PNMA8A: variants seen among roughly 807,000 people sequenced by gnomAD.
PNMA8A encodes PNMA family member 8A.
In PNMA8A, 17 loss-of-function variants were observed where a neutral mutation model predicts 26.6. The observed-to-expected ratio is 0.64, with a 90% confidence interval of 0.44 to 0.96. The LOEUF (loss-of-function observed/expected upper bound fraction) is 0.96, where lower values mean the gene tolerates loss of function less well. Among genes scored for constraint, PNMA8A ranks in the 40% least tolerant of loss-of-function variants. The probability of loss-of-function intolerance (pLI) is 0.00; values close to 1 mark genes in which losing one functional copy is unlikely to be tolerated. For missense variants in PNMA8A, 532 were observed against 488.4 expected, an observed-to-expected ratio of 1.09 and a Z score of -0.84; for synonymous variants, 224 against 182.0, an observed-to-expected ratio of 1.23 and a Z score of -1.86.
In PNMA8A at chr19:46,470,219, C is replaced by T. The variant is rs1406090396; in HGVS notation, c.817G>A (p.Asp273Asn). The T allele has an allele frequency of 1.2e-6, 2 of 1,614,180 alleles. No homozygotes were observed. The highest frequency in any genetic ancestry group is 3.3e-5 in the Admixed American group (2 of 60,032). Reference sequence around the variant, plus strand: ...CTTTCAGCATCACCCACCTCAGGATCCTCCAAGTTAGCTGTGCTGTTGGAA... The same window carrying T: ...CTTTCAGCATCACCCACCTCAGGATTCTCCAAGTTAGCTGTGCTGTTGGAA... ...INSNSTANLE[D>N]PEVGDAESMA... The change falls in exon 2 of 3, where the codon GAT becomes AAT. Residue 273 changes from aspartate to asparagine, a missense_variant. Coordinates refer to ENST00000313683, the MANE Select transcript of PNMA8A (RefSeq NM_018215.4).
chr19:46,469,781 T>C lies in PNMA8A; in HGVS notation c.1255A>G (p.Arg419Gly), dbSNP rs1969756750. 2.5e-6 allele frequency: 4 copies of C among 1,614,022 alleles called. No homozygotes were observed. The highest frequency in any genetic ancestry group is 2.2e-5 in the South Asian group (2 of 91,070). Residue 419 changes from arginine to glycine, a missense_variant, in exon 2 of 3, where the codon AGG becomes GGG. Arg to Gly is a moderately radical substitution (Grantham distance 125, BLOSUM62 -2). Coordinates refer to ENST00000313683, the MANE Select transcript of PNMA8A (RefSeq NM_018215.4). ...CCTTCTGGCTTGGCCTTCGGACCCC[T>C]AGAGGTTGAGGCTGTTGCCTCGGCA... ...QPAEATASTS[R>G]GPKAKPEGSP...
Position 46,470,156 on chromosome 19 carries a change from G to A in PNMA8A, c.880C>T (p.Pro294Ser), listed in dbSNP as rs1276811386. 6.2e-7 allele frequency: 1 copy of A among 1,613,924 alleles called. No individual in the cohort carries two copies. The change falls in exon 2 of 3, where the codon CCC becomes TCC. Residue 294 changes from proline (P) to serine (S), a missense_variant. Physicochemically the swap from Pro to Ser is moderately conservative, Grantham distance 74. Coordinates refer to ENST00000313683, the MANE Select transcript of PNMA8A (RefSeq NM_018215.4). ...GCCAACTCCTCCTTATTCACACAGG[G>A]CTTTCTGCTGCCCTTGATCGGCTCT... ...ISEPIKGSRK[P>S]CVNKEELALK...
At position 46,467,698 on chromosome 19, in the gene PNMA8A, C is replaced by G. The variant is rs540150587; in HGVS notation, c.*863G>C. On this transcript the variant is annotated 3_prime_UTR_variant, in exon 3 of 3. Coordinates refer to ENST00000313683, the MANE Select transcript of PNMA8A (RefSeq NM_018215.4). ...GATTACAGGCGTGAGCCACCGTGCC[C>G]GGCCAACAGCCAAGTTTTAAAAGAT... 6.6e-6 allele frequency: 1 copy of G among 152,292 alleles called. No homozygotes were observed. The highest frequency in any genetic ancestry group is 2.4e-5 in the African/African-American group (1 of 41,438). 9.4% of individuals were successfully genotyped at this position (152,292 alleles called of 1,614,324 possible).
chr19:46,470,484 C>G lies in PNMA8A; in HGVS notation c.552G>C (p.Glu184Asp), dbSNP rs776730889. The G allele has an allele frequency of 2.5e-6, 4 of 1,613,978 alleles. No individual in the cohort carries two copies. Among genetic ancestry groups the G allele is most frequent in the South Asian group, 2.2e-5 (2 of 91,086 alleles). ...ARAQEAAEFE[E>D]MAAWALAAGR... ...CTGCTGCTAAAGCCCAGGCTGCCAT[C>G]TCCTCGAATTCAGCGGCCTCCTGGG... Residue 184 changes from glutamate to aspartate, a missense_variant, in exon 2 of 3, where the codon GAG (glutamate) becomes GAC (aspartate). By Grantham distance (45) the Glu-to-Asp change is conservative. Coordinates refer to ENST00000313683, the MANE Select transcript of PNMA8A (RefSeq NM_018215.4).
In PNMA8A at chr19:46,470,553, G is replaced by A. The variant is rs762145086; in HGVS notation, c.483C>T (p.Ile161=). 2 of 1,614,064 alleles carry A rather than the reference G, an allele frequency of 1.2e-6. No individual in the cohort carries two copies. Among genetic ancestry groups the A allele is most frequent in the Admixed American group, 1.7e-5 (1 of 60,030 alleles). The change falls in exon 2 of 3, where the codon ATC becomes ATT. Residue 161 remains isoleucine, a synonymous_variant. Transcript: ENST00000313683. The part of the protein sequence containing the change: ...GVLLGAVVQI[I]FCMDAEIRSR... The stretch of plus-strand genomic sequence containing the variant: ...TGCGGATCTCGGCATCCATGCAGAA[G>A]ATGATCTGCACCACTGCTCCCAGAA...
At position 46,467,995 on chromosome 19, in the gene PNMA8A, C is replaced by T. The variant is rs1311115475; in HGVS notation, c.*566G>A. ...AGACATTCTTTTTCCCTAAAACTAA[C>T]TCTTGGGACCTCCTGGCTAGATAAC... On this transcript the variant is annotated 3_prime_UTR_variant, in exon 3 of 3. Coordinates refer to ENST00000313683, the MANE Select transcript of PNMA8A (RefSeq NM_018215.4). 1 of 151,888 alleles carries T rather than the reference C, an allele frequency of 6.6e-6. No individual in the cohort carries two copies. The highest frequency in any genetic ancestry group is 1.5e-5 in the Non-Finnish European group (1 of 68,038). 9.4% of individuals were successfully genotyped at this position (151,888 alleles called of 1,614,324 possible).
At chr19:46,469,048 C>T (rs1451225699) in intron 2 of PNMA8A, among the ~76,000 whole-genome samples, 1 of 151,682 alleles carries the variant, frequency 6.6e-6, no homozygotes, top group Non-Finnish European at 1.5e-5. Context: ...GTTGGCCAGG[C>T]TGGTCTCGAA....
rs997791184 is a variant in PNMA8A at position 46,467,631 on chromosome 19, C to T, written c.*930G>A. ...TGTTGGTCAAGCTGGTCTTAAACGC[C>T]TGACCTCGTGATCGACCTGCCTCAG... On this transcript the variant is annotated 3_prime_UTR_variant, in exon 3 of 3. Coordinates refer to ENST00000313683, the MANE Select transcript of PNMA8A (RefSeq NM_018215.4). 1 of 152,178 alleles carries T rather than the reference C, an allele frequency of 6.6e-6. No individual in the cohort carries two copies. The highest frequency in any genetic ancestry group is 1.5e-5 in the Non-Finnish European group (1 of 68,064). 9.4% of individuals were successfully genotyped at this position (152,178 alleles called of 1,614,324 possible). A position where few individuals can be genotyped will look rare whatever the true frequency, so the allele number is the denominator to read the frequency against.
rs751132436 is a variant in PNMA8A at position 46,469,822 on chromosome 19, G to A, written c.1214C>T (p.Pro405Leu). ...SRREASDQKA[P>L]RGQQPAEATA... is the part of the protein sequence containing the mutation. ...TGCCTCGGCAGGCTGCTGGCCCCGA[G>A]GGGCCTTCTGATCTGATGCCTCCCT... is the stretch of plus-strand genomic sequence containing the variant. The change falls in exon 2 of 3, where the codon CCT becomes CTT. Residue 405 changes from proline to leucine, a missense_variant. Pro to Leu is a moderately conservative substitution (Grantham distance 98, BLOSUM62 -3). Transcript: ENST00000313683. 1 of 1,614,230 alleles carries A rather than the reference G, an allele frequency of 6.2e-7. No individual in the cohort carries two copies.
chr19:46,470,603 T>C lies in PNMA8A; in HGVS notation c.433A>G (p.Asn145Asp), dbSNP rs1379335008. Residue 145 changes from asparagine to aspartate, a missense_variant, in exon 2 of 3, where the codon AAC becomes GAC. Coordinates refer to ENST00000313683, the MANE Select transcript of PNMA8A (RefSeq NM_018215.4). Reference sequence around the variant, plus strand: ...AGCACCCCCAGAGCTTCTGCCCAGTTCTCTGGGGGCTGATGCTGGTTCTGG... The same window carrying C: ...AGCACCCCCAGAGCTTCTGCCCAGTCCTCTGGGGGCTGATGCTGGTTCTGG... ...LSQNQHQPPE[N>D]WAEALGVLLG... The C allele has an allele frequency of 6.2e-7, 1 of 1,613,034 alleles. No individual in the cohort carries two copies. The highest frequency in any genetic ancestry group is 1.7e-5 in the Admixed American group (1 of 60,024).
Position 46,469,923 on chromosome 19 carries a change from A to C in PNMA8A, c.1113T>G (p.Pro371=). 1 of 1,614,180 alleles carries C rather than the reference A, an allele frequency of 6.2e-7. No homozygotes were observed. Among genetic ancestry groups the C allele is most frequent in the East Asian group, 2.2e-5 (1 of 44,886 alleles). ...MRKKKKVSLG[P]VSYVLVDSED... ...CTGAGTCAACCAAGACGTAGGAGAC[A>C]GGGCCCAAGCTCACCTTCTTCTTCT... The change falls in exon 2 of 3, where the codon CCT becomes CCG. Residue 371 remains proline (P), a synonymous_variant. Transcript: ENST00000313683.
chr19:46,469,994 T>C lies in PNMA8A; in HGVS notation c.1042A>G (p.Lys348Glu). The C allele has an allele frequency of 6.2e-7, 1 of 1,606,254 alleles. No homozygotes were observed. The highest frequency in any genetic ancestry group is 8.5e-7 in the Non-Finnish European group (1 of 1,177,070). The change falls in exon 2 of 3, where the codon AAG becomes GAG. Residue 348 changes from lysine (K) to glutamate (E), a missense_variant. Physicochemically the swap from Lys to Glu is moderately conservative, Grantham distance 56 (BLOSUM62 1). Coordinates refer to ENST00000313683, the MANE Select transcript of PNMA8A (RefSeq NM_018215.4). ...DGGHESPPKK[K>E]AVAWVSAKNP... ...TTGGCAGACACCCAGGCCACGGCCTTCTTCTTTGGTGGGCTTTCATGGCCA... is the reference window on the plus strand; with the variant it reads ...TTGGCAGACACCCAGGCCACGGCCTCCTTCTTTGGTGGGCTTTCATGGCCA...
Position 46,470,350 on chromosome 19 carries a change from T to A in PNMA8A, c.686A>T (p.Lys229Ile). 1 of 1,614,066 alleles carries A rather than the reference T, an allele frequency of 6.2e-7. No homozygotes were observed. The highest frequency in any genetic ancestry group is 8.5e-7 in the Non-Finnish European group (1 of 1,180,046). ...NATEDQHEPT[K>I]PLVRRAGAKS... ...AGCTCCAGCCCTGCGAACCAAAGGT[T>A]TGGTAGGCTCATGCTGGTCTTCCGT... The change falls in exon 2 of 3, where the codon AAA (lysine) becomes ATA (isoleucine). Residue 229 changes from lysine (K) to isoleucine (I), a missense_variant. By Grantham distance (102) the Lys-to-Ile change is moderately radical. Transcript: ENST00000313683.
In PNMA8A at chr19:46,468,452, C is replaced by T; in HGVS notation, c.*109G>A. 1.0e-6 allele frequency: 1 copy of T among 977,410 alleles called. No individual in the cohort carries two copies. The highest frequency in any genetic ancestry group is 1.6e-6 in the Non-Finnish European group (1 of 616,568). 60.5% of individuals were successfully genotyped at this position (977,410 alleles called of 1,614,324 possible). A position where few individuals can be genotyped will look rare whatever the true frequency, so the allele number is the denominator to read the frequency against. On this transcript the variant is annotated 3_prime_UTR_variant, in exon 3 of 3. Transcript: ENST00000313683. ...TACCTCAGGGCCAGATCTCTATCAA[C>T]AGGGGCCCTAAGAGAGTCCAAAGTC...
At chr19:46,468,776 A>G (rs1324362569) in intron 2 of PNMA8A, among the ~76,000 whole-genome samples, 199 bp from the exon 3 acceptor site, 2 of 151,792 alleles carry the variant, frequency 1.3e-5, no homozygotes, top group African/African-American at 2.4e-5. Flanking sequence ...GGGAGGGGGG[A>G]ACAGGGTTTC....
chr19:46,469,552 G>C (rs1484393792), intron 2 of PNMA8A, among the ~76,000 whole-genome samples, 181 bp downstream of exon 2: 1 of 152,098 alleles, frequency 6.6e-6, no homozygotes, highest in Non-Finnish European at 1.5e-5. Flanking sequence ...TGGAAGGGCG[G>C]TCTGGGCTCT....
Position 46,468,545 on chromosome 19 carries a change from T to C in PNMA8A, c.*16A>G, listed in dbSNP as rs773963016. The C allele has an allele frequency of 2.5e-6, 4 of 1,612,292 alleles. No homozygotes were observed. Among genetic ancestry groups the C allele is most frequent in the Non-Finnish European group, 3.4e-6 (4 of 1,178,368 alleles). On this transcript the variant is annotated 3_prime_UTR_variant, in exon 3 of 3. Coordinates refer to ENST00000313683, the MANE Select transcript of PNMA8A (RefSeq NM_018215.4). ...TCCTTGTTCTTTCAACTCCTCAGTATGGGTGGTCCCCCAGATCAAACCTTT... is the reference window on the plus strand; with the variant it reads ...TCCTTGTTCTTTCAACTCCTCAGTACGGGTGGTCCCCCAGATCAAACCTTT...
At chr19:46,468,770 G>T (rs1279671762) in intron 2 of PNMA8A, among the ~76,000 whole-genome samples, 193 bp from the exon 3 acceptor site, 1 of 151,956 alleles carries the variant, frequency 6.6e-6, no homozygotes, top group Non-Finnish European at 1.5e-5. Context: ...TTTGGGGGGA[G>T]GGGGGAACAG....
rs770544342 is a variant in PNMA8A, at chr19:46,470,899, A to G, written c.137T>C (p.Val46Ala). The change falls in exon 2 of 3, where the codon GTC becomes GCC. Residue 46 changes from valine to alanine, a missense_variant. Transcript: ENST00000313683. ...QAEIEETLNG[V>A]LSPLGPYRVL... The stretch of plus-strand genomic sequence containing the variant: ...GCGGTACGGGCCCAGTGGGGAGAGG[A>G]CCCCATTCAAGGTCTCCTCAATTTC... The G allele has an allele frequency of 5.4e-5, 42 of 780,650 alleles. 2 individuals are homozygous for G. The South Asian group carries it at 5.6e-4, about 10-fold the overall frequency. The allele number at this position is 780,650 out of a possible 1,614,324, so 48.4% of individuals were successfully genotyped here.
Sources: gnomAD v4.1 joint callset for allele counts (sites outside exome capture counted in the v4.1 genomes callset) on GRCh38, gnomAD v4.1.1 for gene constraint, MANE v1.5 for transcripts, NCBI Gene and HGNC (gene_info 2026-07-23, HGNC 2026-07-21) for gene names.